MRPL37: variants seen among roughly 807,000 people sequenced by gnomAD.
The protein encoded by MRPL37 is large ribosomal subunit protein mL37.
MRPL37 carries 34 observed loss-of-function variants against 44.1 expected under a neutral mutation model. That is an observed-to-expected ratio of 0.77 (90% CI 0.59 to 1.03). The LOEUF (loss-of-function observed/expected upper bound fraction) is 1.03, where lower values mean the gene tolerates loss of function less well. Among genes scored for constraint, MRPL37 ranks in the 50% least tolerant of loss-of-function variants. MRPL37 has a pLI of 0.00. For missense variants in MRPL37, 532 were observed against 543.7 expected (o/e 0.98, Z 0.21); for synonymous variants, 212 against 219.5 (o/e 0.97, Z 0.30).
intron 4 of MRPL37, 91 bp from the exon 5 acceptor site, chr1:54,212,410 G>A: frequency 6.8e-6 from 10 of 1,468,372 alleles, no homozygotes; most frequent in Non-Finnish European, 9.4e-6. Context: ...TGTAGCACCT[G>A]TCCCTGGGCT....
chr1:54,212,999 CACTCTGA>C (rs1391652881), intron 5 of MRPL37, among the ~76,000 whole-genome samples: 1 of 152,244 alleles, frequency 6.6e-6, no homozygotes, highest in East Asian at 1.9e-4. Context: ...AGGTCTGCCC[CACTCTGA>C]AGTCTTCAGT....
intron 3 of MRPL37, among the ~76,000 whole-genome samples, chr1:54,206,110 AT>A (rs199720342): frequency 0.013 from 1,909 of 151,230 alleles, 44 homozygotes; most frequent in African/African-American, 0.044. Context: ...TTATTTATTT[AT>A]TTTATTTATT....
intron 3 of MRPL37, among the ~76,000 whole-genome samples, chr1:54,208,449 T>C (rs1644139825): frequency 1.4e-5 from 2 of 144,362 alleles, no homozygotes; most frequent in Admixed American, 1.5e-4. Flanking sequence ...CTCGGGAGGC[T>C]GAGGCGGGAG....
intron 3 of MRPL37, among the ~76,000 whole-genome samples, chr1:54,206,258 G>T (rs1392182963): frequency 6.7e-6 from 1 of 148,964 alleles, no homozygotes; most frequent in African/African-American, 2.5e-5. Flanking sequence ...GACTACAGGC[G>T]CCCGCCACCA....
At chr1:54,209,223 G>GAT (rs1557732664) in intron 3 of MRPL37, among the ~76,000 whole-genome samples, 1 of 152,162 alleles carries the variant, frequency 6.6e-6, no homozygotes, top group Non-Finnish European at 1.5e-5. Context: ...GGAAGATCTG[G>GAT]ATGGGGCAGG....
intron 4 of MRPL37, 23 bp from the exon 5 acceptor site, chr1:54,212,478 C>G (rs1644171664): frequency 1.2e-6 from 2 of 1,611,626 alleles, no homozygotes; most frequent in Admixed American, 1.7e-5. Flanking sequence ...TTCCACCCCT[C>G]CACATAATTG....
At chr1:54,202,488 T>C (rs970791062) in intron 1 of MRPL37, among the ~76,000 whole-genome samples, 1 of 152,114 alleles carries the variant, frequency 6.6e-6, no homozygotes, top group Non-Finnish European at 1.5e-5. Context: ...CCTTCCTTCC[T>C]TTCTCTCTGT....
Position 54,210,532 on chromosome 1 carries a change from C to T in MRPL37, c.832+401C>T, listed in dbSNP as rs35504284. ...TTCTGTTTACCTTGTAAACTCTGGC[C>T]AACCCCCTTTAGGAACTGAGGAAGC... is the stretch of plus-strand genomic sequence containing the variant. On this transcript the variant is annotated intron_variant, in intron 4 of 6. Transcript: ENST00000360840. Among the ~76,000 whole-genome samples, 195 of 152,164 alleles carry T rather than the reference C, an allele frequency of 1.3e-3. 1 individual carries two copies. The highest frequency in any genetic ancestry group is 3.4e-3 in the Middle Eastern group (1 of 294).
chr1:54,221,251 G>GTTTT (rs1644231625), downstream of MRPL37, among the ~76,000 whole-genome samples: 2 of 152,138 alleles, frequency 1.3e-5, no homozygotes, highest in African/African-American at 4.8e-5. Context: ...TGGGGCAAGT[G>GTTTT]TTTGGCAGAG....
intron 4 of MRPL37, among the ~76,000 whole-genome samples, chr1:54,211,181 G>T (rs1285281277): frequency 6.6e-6 from 1 of 152,018 alleles, no homozygotes; most frequent in Admixed American, 6.6e-5. Context: ...AATGCTTTGG[G>T]ATCTTCCAGT....
intron 3 of MRPL37, among the ~76,000 whole-genome samples, chr1:54,206,098 ATTTATTTATTTAT>A (rs911946110): frequency 2.6e-5 from 4 of 151,112 alleles, no homozygotes; most frequent in South Asian, 4.2e-4. Context: ...TTGTTTATTT[ATTTATTTATTTAT>A]TTTATTTATT....
At chr1:54,204,269 C>A (rs1644105259) in intron 1 of MRPL37, among the ~76,000 whole-genome samples, 1 of 152,072 alleles carries the variant, frequency 6.6e-6, no homozygotes, top group Admixed American at 6.6e-5. Flanking sequence ...TGTAATCCAG[C>A]TACTTGAGAA....
intron 3 of MRPL37, among the ~76,000 whole-genome samples, chr1:54,206,204 C>T (rs1410479821): frequency 6.6e-6 from 1 of 152,028 alleles, no homozygotes; most frequent in Non-Finnish European, 1.5e-5. Context: ...GCTCCACCTC[C>T]CGGGTTCACG....
At position 54,200,568 on chromosome 1, in the gene MRPL37, C is replaced by A. The variant is rs765997118; in HGVS notation, c.325C>A (p.His109Asn). 120 of 1,599,988 alleles carry A rather than the reference C, an allele frequency of 7.5e-5. No individual in the cohort carries two copies. The highest frequency in any genetic ancestry group is 1.0e-4 in the Non-Finnish European group (119 of 1,169,210). Residue 109 changes from histidine to asparagine, a missense_variant, in exon 1 of 7, where the codon CAC (histidine) becomes AAC (asparagine). His to Asn is a moderately conservative substitution (Grantham distance 68, BLOSUM62 1). Transcript: ENST00000360840. The stretch of plus-strand genomic sequence containing the variant: ...AGACCAGGCCTGCTATATCTTTCAC[C>A]ACCGTTGCCGCCTTCTCGAGGGTGA... ...YKDQACYIFH[H>N]RCRLLEGVKQ...
chr1:54,204,394 T>TC (rs1644106460), intron 1 of MRPL37, among the ~76,000 whole-genome samples: 1 of 146,736 alleles, frequency 6.8e-6, no homozygotes, highest in African/African-American at 2.6e-5. Context: ...AGACTTTGTC[T>TC]CAAAAAAAAA....
At chr1:54,201,596 T>C (rs984219563) in intron 1 of MRPL37, among the ~76,000 whole-genome samples, 1 of 152,164 alleles carries the variant, frequency 6.6e-6, no homozygotes, top group African/African-American at 2.4e-5. Flanking sequence ...CACAGAGAGG[T>C]TCTGTAGGCT....
intron 3 of MRPL37, chr1:54,207,539 T>C (rs1264354696): frequency 1.3e-5 from 2 of 152,162 alleles, no homozygotes; most frequent in East Asian, 3.9e-4. Flanking sequence ...GTGAACCTCA[T>C]TAATAGAGGA....
downstream of MRPL37, chr1:54,225,331 T>C (rs551683469): frequency 8.1e-7 from 1 of 1,234,150 alleles, no homozygotes; most frequent in Non-Finnish European, 1.0e-6. Flanking sequence ...AAACATCTTG[T>C]TATGCACCAG....
chr1:54,209,012 T>C (rs1431642988), intron 3 of MRPL37, among the ~76,000 whole-genome samples: 2 of 152,224 alleles, frequency 1.3e-5, no homozygotes, highest in South Asian at 4.1e-4. Context: ...TCTGCTCTTA[T>C]CCATCCTTCC....
Sources: gnomAD v4.1 joint callset for allele counts (sites outside exome capture counted in the v4.1 genomes callset) on GRCh38, gnomAD v4.1.1 for gene constraint, MANE v1.5 for transcripts, NCBI Gene and HGNC (gene_info 2026-07-23, HGNC 2026-07-21) for gene names.